Variants in FYN observed in about 807,000 individuals in gnomAD.
FYN encodes tyrosine-protein kinase Fyn.
FYN carries 10 observed loss-of-function variants against 70.2 expected under a neutral mutation model. The ratio of observed to expected loss-of-function variants is 0.14; its 90% CI spans 0.09 to 0.24. The LOEUF is 0.24. Among genes scored for constraint, FYN ranks in the 10% least tolerant of loss-of-function variants. The pLI is 1.00. For missense variants in FYN, 319 were observed against 673.1 expected, an observed-to-expected ratio of 0.47 and a Z score of 5.82; for synonymous variants, 236 against 248.6, an observed-to-expected ratio of 0.95 and a Z score of 0.48.
Position 111,688,627 on chromosome 6 carries a change from C to CGT in FYN, c.1273+5746_1273+5747dup, listed in dbSNP as rs892024883. On this transcript the variant is annotated intron_variant, in intron 12 of 13. Transcript: ENST00000354650. ...AACTGCTCCAGCCGTGCCCACGCAGCGTGTGTGTGCTCATGCAGCGTGTGT... is the reference window on the plus strand; with the variant it reads ...AACTGCTCCAGCCGTGCCCACGCAGCGTGTGTGTGTGCTCATGCAGCGTGTGT... Among the ~76,000 whole-genome samples, 16 of 151,688 alleles carry CGT rather than the reference C, an allele frequency of 1.1e-4. No individual in the cohort carries two copies. The South Asian group carries it at 3.6e-3, about 34-fold the overall frequency.
At chr6:111,748,052 A>G (rs898553336) in intron 3 of FYN, among the ~76,000 whole-genome samples, 1 of 152,232 alleles carries the variant, frequency 6.6e-6, no homozygotes, top group Non-Finnish European at 1.5e-5. Flanking sequence ...AAGACATAGA[A>G]AGCAAAATGA....
intron 1 of FYN, among the ~76,000 whole-genome samples, chr6:111,860,589 G>A (rs142629491): frequency 9.8e-5 from 15 of 152,306 alleles, no homozygotes; most frequent in Non-Finnish European, 2.1e-4. Flanking sequence ...TGGCATGTTG[G>A]ACTGGGGTAC....
At chr6:111,707,560 C>G (rs1562482980) in intron 6 of FYN, among the ~76,000 whole-genome samples, 1 of 152,106 alleles carries the variant, frequency 6.6e-6, no homozygotes, top group Admixed American at 6.5e-5. Context: ...ACTCTCCCCT[C>G]TCTTCCCAAC....
chr6:111,808,760 G>T (rs1370188522), intron 2 of FYN, among the ~76,000 whole-genome samples: 1 of 152,178 alleles, frequency 6.6e-6, no homozygotes, highest in East Asian at 1.9e-4. Context: ...GCAGCTAAAG[G>T]CTGTGCCACA....
chr6:111,791,207 C>A (rs1410504809), intron 2 of FYN, among the ~76,000 whole-genome samples: 1 of 152,076 alleles, frequency 6.6e-6, no homozygotes, highest in Non-Finnish European at 1.5e-5. Context: ...CAAGGCCAAA[C>A]AGACCAAGAG....
intron 3 of FYN, among the ~76,000 whole-genome samples, chr6:111,727,485 T>A (rs1236402865): frequency 2.0e-5 from 3 of 152,218 alleles, no homozygotes; most frequent in African/African-American, 7.2e-5. Flanking sequence ...CTTTCTACTC[T>A]TGGTGAAGCC....
chr6:111,699,270 G>A (rs1799721278), intron 9 of FYN, among the ~76,000 whole-genome samples: 2 of 152,166 alleles, frequency 1.3e-5, no homozygotes, highest in Non-Finnish European at 2.9e-5. Flanking sequence ...TTCTTAGGAA[G>A]AGGAAACACC....
Position 111,792,691 on chromosome 6 carries a change from T to C in FYN, c.-81-12056A>G, listed in dbSNP as rs142875851. ...ATCTCCTAAATATAATGTTATTCTATTGACACAAGACAGTGCAAACTGGGG... is the reference window on the plus strand; with the variant it reads ...ATCTCCTAAATATAATGTTATTCTACTGACACAAGACAGTGCAAACTGGGG... On this transcript the variant is annotated intron_variant, in intron 2 of 13. Transcript: ENST00000354650. 5.8e-3 allele frequency among the ~76,000 whole-genome samples: 887 copies of C among 152,350 alleles called. 8 individuals are homozygous for C. The highest frequency in any genetic ancestry group is 0.02 in the African/African-American group (848 of 41,576).
At chr6:111,729,431 C>A (rs1025809169) in intron 3 of FYN, among the ~76,000 whole-genome samples, 2 of 149,472 alleles carry the variant, frequency 1.3e-5, no homozygotes, top group African/African-American at 4.9e-5. Flanking sequence ...GCTGAGATGG[C>A]GCCACTGCAC....
At chr6:111,732,752 T>C (rs764462567) in intron 3 of FYN, among the ~76,000 whole-genome samples, 3 of 152,200 alleles carry the variant, frequency 2.0e-5, no homozygotes, top group Non-Finnish European at 2.9e-5. Context: ...TCCTTCCTGC[T>C]TCCTGTGGGC....
chr6:111,761,999 G>T (rs1449201271), intron 3 of FYN, among the ~76,000 whole-genome samples: 1 of 152,178 alleles, frequency 6.6e-6, no homozygotes. Flanking sequence ...TGTTTTTTAT[G>T]TGAAGAAATT....
At chr6:111,775,337 G>T (rs890636797) in intron 3 of FYN, among the ~76,000 whole-genome samples, 15 of 152,158 alleles carry the variant, frequency 9.9e-5, no homozygotes, top group Non-Finnish European at 1.8e-4. Flanking sequence ...ATGGCCTCCC[G>T]CAAAGCAACT....
At position 111,696,263 on chromosome 6, in the gene FYN, AG is replaced by A; in HGVS notation, c.1042+13del. 1 of 1,593,640 alleles carries A rather than the reference AG, an allele frequency of 6.3e-7. No homozygotes were observed. The highest frequency in any genetic ancestry group is 2.3e-5 in the East Asian group (1 of 43,936). ...AGGCACTGTGAGCTGGAGACAGGAGAGGTGTTGCCCAACCTTTGTTCATATA... is the reference window on the plus strand; with the variant it reads ...AGGCACTGTGAGCTGGAGACAGGAGAGTGTTGCCCAACCTTTGTTCATATA... On this transcript the variant is annotated intron_variant, in intron 10 of 13. Transcript: ENST00000354650.
intron 3 of FYN, among the ~76,000 whole-genome samples, chr6:111,720,562 T>G (rs972955225): frequency 2.0e-5 from 3 of 152,116 alleles, no homozygotes; most frequent in Admixed American, 2.0e-4. Flanking sequence ...ACTGCTTCAC[T>G]CATGGGTACC....
intron 12 of FYN, among the ~76,000 whole-genome samples, chr6:111,690,689 T>C (rs775134024): frequency 6.6e-5 from 10 of 152,220 alleles, no homozygotes; most frequent in African/African-American, 1.9e-4. Context: ...TTAAACACTT[T>C]ACATGCATTG....
At chr6:111,741,100 CAAA>C (rs201418574) in intron 3 of FYN, 14 of 102,910 alleles carry the variant, frequency 1.4e-4, no homozygotes, top group Non-Finnish European at 1.3e-4. Flanking sequence ...GACCCTGTCT[CAAA>C]AAAAAAAAAA....
intron 2 of FYN, among the ~76,000 whole-genome samples, chr6:111,791,413 T>C (rs1183598682): frequency 6.6e-6 from 1 of 152,248 alleles, no homozygotes; most frequent in Non-Finnish European, 1.5e-5. Context: ...TATGAAGTTC[T>C]AACCCCCAAG....
intron 12 of FYN, among the ~76,000 whole-genome samples, chr6:111,690,858 C>T (rs141499606): frequency 1.3e-5 from 2 of 152,342 alleles, no homozygotes; most frequent in African/African-American, 4.8e-5. Context: ...CTGACTTCAA[C>T]AATCCCCCAC....
At position 111,812,604 on chromosome 6, in the gene FYN, CTTTTTTTTTTTTT is replaced by C. The variant is rs369326017; in HGVS notation, c.-81-31982_-81-31970del. Among the ~76,000 whole-genome samples the C allele has an allele frequency of 1.3e-4, 13 of 101,320 alleles. 1 individual carries two copies. In the East Asian group the frequency reaches 2.5e-3, roughly 19 times the overall value. The allele number at this position is 101,320 out of a possible 152,430, so 66.5% of individuals were successfully genotyped here. On this transcript the variant is annotated intron_variant, in intron 2 of 13. Transcript: ENST00000354650. Reference sequence around the variant, plus strand: ...GGAGGTAATTAAATCAGAAATTTTCCTTTTTTTTTTTTTTTTTTTTTTTTTTTAAGGGAGGGAG... The same window carrying C: ...GGAGGTAATTAAATCAGAAATTTTCCTTTTTTTTTTTTTTAAGGGAGGGAG...
Sources: allele counts gnomAD v4.1 joint callset (sites outside exome capture counted in the v4.1 genomes callset), GRCh38; gene constraint gnomAD v4.1.1; transcripts MANE v1.5; gene names NCBI Gene and HGNC (gene_info 2026-07-23, HGNC 2026-07-21).